FAM227A: variants seen among roughly 807,000 people sequenced by gnomAD.
FAM227A encodes protein FAM227A.
A neutral mutation model predicts 74.7 loss-of-function variants in FAM227A; 80 were observed. That is an observed-to-expected ratio of 1.07 (90% confidence interval 0.89 to 1.29). The LOEUF (loss-of-function observed/expected upper bound fraction) is 1.29. Ranked by LOEUF, FAM227A falls within the 50% of genes most tolerant of loss-of-function variation. The pLI, the probability that FAM227A is intolerant of heterozygous loss-of-function variation, is 0.00. For missense variants in FAM227A, 654 were observed against 683.4 expected, an observed-to-expected ratio of 0.96 and a Z score of 0.48; for synonymous variants, 237 against 241.8, an observed-to-expected ratio of 0.98 and a Z score of 0.19.
chr22:38,633,127 C>T (rs1018006899), intron 6 of FAM227A, among the ~76,000 whole-genome samples: 3 of 152,062 alleles, frequency 2.0e-5, no homozygotes, highest in Non-Finnish European at 4.4e-5. Flanking sequence ...GGGGAGGTAA[C>T]GGAGGAGAGG....
Position 38,584,985 on chromosome 22 carries a change from T to G in FAM227A, c.*1140A>C, listed in dbSNP as rs1859462571. 6.6e-6 allele frequency: 1 copy of G among 151,816 alleles called. No individual in the cohort carries two copies. The highest frequency in any genetic ancestry group is 2.4e-5 in the African/African-American group (1 of 41,332). 9.4% of individuals were successfully genotyped at this position (151,816 alleles called of 1,614,324 possible). On this transcript the variant is annotated 3_prime_UTR_variant, in exon 17 of 17. Coordinates refer to ENST00000535113, the MANE Select transcript of FAM227A (RefSeq NM_001013647.2). ...CTAATTTTTGTATTTTTAGTAGAGA[T>G]GGGGTTTCACCATGTTGGCCAGGAT...
intron 9 of FAM227A, 149 bp from the exon 10 acceptor site, chr22:38,623,428 G>A: frequency 1.8e-6 from 1 of 563,084 alleles, no homozygotes; most frequent in Non-Finnish European, 3.2e-6. Context: ...TATTTAAAAA[G>A]AAATTAAAAA....
intron 16 of FAM227A, among the ~76,000 whole-genome samples, chr22:38,589,622 A>G (rs571618208): frequency 1.3e-5 from 2 of 152,332 alleles, no homozygotes; most frequent in African/African-American, 4.8e-5. Context: ...ACTTCAGGAT[A>G]CTAAGAATGA....
chr22:38,605,800 C>T (rs1227957961), intron 12 of FAM227A, among the ~76,000 whole-genome samples: 2 of 152,190 alleles, frequency 1.3e-5, no homozygotes, highest in Non-Finnish European at 2.9e-5. Context: ...CCTGGCTAAA[C>T]CTCTTGATCA....
At chr22:38,647,471 C>CAA (rs145409758) in intron 2 of FAM227A, among the ~76,000 whole-genome samples, 3 of 151,540 alleles carry the variant, frequency 2.0e-5, no homozygotes, top group African/African-American at 7.3e-5. Context: ...AACGAAACAA[C>CAA]AAAAAAAAGA....
At position 38,607,329 on chromosome 22, in the gene FAM227A, G is replaced by C. The variant is rs944859444; in HGVS notation, c.1126+60C>G. ...TGTTCATACGAACCCAAGAAACCAGGGTTTTGGAGACAATAACTAAGCCAA... is the reference window on the plus strand; with the variant it reads ...TGTTCATACGAACCCAAGAAACCAGCGTTTTGGAGACAATAACTAAGCCAA... On this transcript the variant is annotated intron_variant, in intron 12 of 16. Coordinates refer to ENST00000535113, the MANE Select transcript of FAM227A (RefSeq NM_001013647.2). 27 of 1,295,614 alleles carry C rather than the reference G, an allele frequency of 2.1e-5. No individual in the cohort carries two copies. The African/African-American group carries it at 3.9e-4, about 19-fold the overall frequency. 80.3% of individuals were successfully genotyped at this position (1,295,614 alleles called of 1,614,324 possible).
At chr22:38,654,775 C>CAAA (rs34383650) in intron 1 of FAM227A, among the ~76,000 whole-genome samples, 2 of 84,942 alleles carry the variant, frequency 2.4e-5, no homozygotes, top group African/African-American at 4.6e-5. Context: ...CTAAAAATAC[C>CAAA]AAAAAAAAAA....
chr22:38,588,361 G>A (rs1428132866), intron 16 of FAM227A, among the ~76,000 whole-genome samples: 4 of 152,158 alleles, frequency 2.6e-5, no homozygotes, highest in African/African-American at 4.8e-5. Context: ...GCTCATGCCT[G>A]TAATCCCAGG....
chr22:38,626,087 A>C, intron 9 of FAM227A, 93 bp downstream of exon 9: 1 of 1,266,250 alleles, frequency 7.9e-7, no homozygotes, highest in South Asian at 1.4e-5. Flanking sequence ...GCCTTCATGA[A>C]GGGGTGTCAT....
At position 38,597,336 on chromosome 22, in the gene FAM227A, G is replaced by C; in HGVS notation, c.1400C>G (p.Thr467Ser). Residue 467 changes from threonine to serine, a missense_variant, in exon 15 of 17, where the codon ACT (threonine) becomes AGT (serine). Transcript: ENST00000535113. ...TSTPDCTPTY[T>S]DVISETLCSM... ...GCACAGGGTCTCGCTGATGACATCA[G>C]TATACGTTGGGGTGCAGTCAGTGGC... 1 of 1,551,858 alleles carries C rather than the reference G, an allele frequency of 6.4e-7. No individual in the cohort carries two copies. The highest frequency in any genetic ancestry group is 8.7e-7 in the Non-Finnish European group (1 of 1,147,042).
rs1294388263 is a variant in FAM227A at position 38,623,331 on chromosome 22, T to C, written c.851-52A>G. 7 of 1,269,212 alleles carry C rather than the reference T, an allele frequency of 5.5e-6. No individual in the cohort carries two copies. The East Asian group carries it at 1.5e-4, about 28-fold the overall frequency. The allele number at this position is 1,269,212 out of a possible 1,614,324, so 78.6% of individuals were successfully genotyped here. A position where few individuals can be genotyped will look rare whatever the true frequency, so the allele number is the denominator to read the frequency against. The stretch of plus-strand genomic sequence containing the variant: ...GGGGCCGGGTGCGGTGGATCACGCC[T>C]GTAATCCCAGAACTTTGAGAAGCCA... On this transcript the variant is annotated intron_variant, in intron 9 of 16. Coordinates refer to ENST00000535113, the MANE Select transcript of FAM227A (RefSeq NM_001013647.2).
intron 11 of FAM227A, among the ~76,000 whole-genome samples, chr22:38,613,244 T>G (rs1446232791): frequency 2.4e-5 from 2 of 84,082 alleles, no homozygotes; most frequent in Admixed American, 4.0e-4. Context: ...ATATAATATA[T>G]AATATATAAC....
chr22:38,648,639 T>C (rs1366838723), intron 2 of FAM227A, among the ~76,000 whole-genome samples: 1 of 148,452 alleles, frequency 6.7e-6, no homozygotes, highest in Non-Finnish European at 1.5e-5. Flanking sequence ...TAAAGAACTC[T>C]TAAAAACTCG....
chr22:38,632,752 G>C (rs1417386118), intron 6 of FAM227A, among the ~76,000 whole-genome samples: 1 of 152,078 alleles, frequency 6.6e-6, no homozygotes, highest in Non-Finnish European at 1.5e-5. Context: ...AAAACCAAAG[G>C]GGAAAGAACT....
At chr22:38,614,155 A>G (rs1035399371) in intron 11 of FAM227A, among the ~76,000 whole-genome samples, 10 of 152,078 alleles carry the variant, frequency 6.6e-5, no homozygotes, top group Non-Finnish European at 1.3e-4. Context: ...CAGGTTTAGG[A>G]CCTGGGGAGC....
chr22:38,598,904 A>G (rs529615135), intron 14 of FAM227A, among the ~76,000 whole-genome samples: 3 of 151,544 alleles, frequency 2.0e-5, no homozygotes, highest in South Asian at 2.1e-4. Context: ...TCTGACTCCT[A>G]TGGTAAGCTG....
chr22:38,609,453 G>A (rs1353257511), intron 11 of FAM227A, among the ~76,000 whole-genome samples: 1 of 152,170 alleles, frequency 6.6e-6, no homozygotes, highest in African/African-American at 2.4e-5. Context: ...GAAGAACGCT[G>A]GATTCGTCTG....
At position 38,585,465 on chromosome 22, in the gene FAM227A, G is replaced by A. The variant is rs995123266; in HGVS notation, c.*660C>T. ...AAAGAGGGCATATTGGAAATAGGCT[G>A]GCAATCCCAGTGGTTAGAGGAGCAG... On this transcript the variant is annotated 3_prime_UTR_variant, in exon 17 of 17. Transcript: ENST00000535113. 1 of 152,250 alleles carries A rather than the reference G, an allele frequency of 6.6e-6. No individual in the cohort carries two copies. The highest frequency in any genetic ancestry group is 2.4e-5 in the African/African-American group (1 of 41,426). 9.4% of individuals were successfully genotyped at this position (152,250 alleles called of 1,614,324 possible).
At position 38,628,855 on chromosome 22, in the gene FAM227A, C is replaced by A; in HGVS notation, c.600G>T (p.Trp200Cys). 1 of 1,539,246 alleles carries A rather than the reference C, an allele frequency of 6.5e-7. No individual in the cohort carries two copies. The highest frequency in any genetic ancestry group is 8.8e-7 in the Non-Finnish European group (1 of 1,137,628). ...TTACCTGGTACCTCTCATGAAATAT[C>A]CACCAAAAGCTATCCAGCCAGATGG... Reference protein sequence around the residue: ...PRAIWLDSFWWIFHERYQPNK... With the variant: ...PRAIWLDSFWCIFHERYQPNK... The change falls in exon 7 of 17, where the codon TGG becomes TGT. Residue 200 changes from tryptophan (W) to cysteine (C), a missense_variant. Trp to Cys is a radical substitution (Grantham distance 215). Transcript: ENST00000535113.
Sources: gnomAD v4.1 joint callset for allele counts (sites outside exome capture counted in the v4.1 genomes callset) on GRCh38, gnomAD v4.1.1 for gene constraint, MANE v1.5 for transcripts, NCBI Gene and HGNC (gene_info 2026-07-23, HGNC 2026-07-21) for gene names.